LRRC4C: variants seen among roughly 807,000 people sequenced by gnomAD.
LRRC4C encodes the protein leucine rich repeat containing 4C.
LRRC4C carries 5 observed loss-of-function variants against 33.6 expected under a neutral mutation model. The observed-to-expected ratio is 0.15, with a 90% CI of 0.08 to 0.31. The LOEUF (loss-of-function observed/expected upper bound fraction) is 0.31. Among genes scored for constraint, LRRC4C ranks in the 10% least tolerant of loss-of-function variants. The pLI is 1.00. For synonymous variants in LRRC4C, 329 were observed against 302.0 expected, an observed-to-expected ratio of 1.09 and a Z score of -0.93; for missense variants, 560 against 796.7, an observed-to-expected ratio of 0.70 and a Z score of 3.58.
chr11:41,151,910 A>G (rs1705026493), intron 1 of LRRC4C, among the ~76,000 whole-genome samples: 1 of 152,242 alleles, frequency 6.6e-6, no homozygotes, highest in Non-Finnish European at 1.5e-5. Context: ...AAAGTTCAGC[A>G]CAGAATACAT....
chr11:40,968,633 T>A (rs1474239786), intron 1 of LRRC4C, among the ~76,000 whole-genome samples: 1 of 152,096 alleles, frequency 6.6e-6, no homozygotes, highest in African/African-American at 2.4e-5. Context: ...TTAGAACCCT[T>A]ACAAATTATG....
At chr11:40,362,097 T>C (rs1254529711) in intron 3 of LRRC4C, among the ~76,000 whole-genome samples, 1 of 152,176 alleles carries the variant, frequency 6.6e-6, no homozygotes, top group African/African-American at 2.4e-5. Flanking sequence ...CCTTACACTC[T>C]ATACACAAAT....
At chr11:40,291,828 C>T (rs1944212915) in intron 4 of LRRC4C, among the ~76,000 whole-genome samples, 1 of 152,092 alleles carries the variant, frequency 6.6e-6, no homozygotes, top group Admixed American at 6.5e-5. Context: ...AATAGCGAAA[C>T]ATTTGTGCAT....
chr11:40,435,397 C>T (rs1394989969), intron 3 of LRRC4C, among the ~76,000 whole-genome samples: 2 of 152,122 alleles, frequency 1.3e-5, no homozygotes, highest in Non-Finnish European at 2.9e-5. Context: ...TTTTGAATTG[C>T]TATTGATGGT....
At chr11:41,215,680 A>T (rs983523861) in intron 1 of LRRC4C, among the ~76,000 whole-genome samples, 1 of 152,102 alleles carries the variant, frequency 6.6e-6, no homozygotes, top group Non-Finnish European at 1.5e-5. Flanking sequence ...TAATATTTTT[A>T]CATTTGATCC....
At position 40,869,760 on chromosome 11, in the gene LRRC4C, G is replaced by A. The variant is rs116551216; in HGVS notation, c.-407+63875C>T. Among the ~76,000 whole-genome samples the A allele has an allele frequency of 1.6e-3, 236 of 152,232 alleles. 1 individual carries two copies. Among genetic ancestry groups the A allele is most frequent in the African/African-American group, 5.4e-3 (224 of 41,554 alleles). ...CGCAAGAACCTGGAAGTTTGCCGAC[G>A]TATAAAACCCCAAGTCAAAGGTCAA... On this transcript the variant is annotated intron_variant, in intron 2 of 6. Coordinates refer to ENST00000528697, the MANE Select transcript of LRRC4C (RefSeq NM_001258419.2).
chr11:41,138,239 A>G (rs1319909093), intron 1 of LRRC4C, among the ~76,000 whole-genome samples: 1 of 152,222 alleles, frequency 6.6e-6, no homozygotes, highest in Admixed American at 6.5e-5. Context: ...ATACTTTCAG[A>G]TGACCAGTCA....
chr11:40,427,324 TG>T (rs1950754003), intron 3 of LRRC4C, among the ~76,000 whole-genome samples: 1 of 151,616 alleles, frequency 6.6e-6, no homozygotes, highest in Middle Eastern at 3.4e-3. Context: ...GCCAATGTCA[TG>T]AAACCACATC....
At chr11:40,549,495 T>G (rs1957054288) in intron 3 of LRRC4C, among the ~76,000 whole-genome samples, 1 of 152,164 alleles carries the variant, frequency 6.6e-6, no homozygotes, top group Non-Finnish European at 1.5e-5. Context: ...AATCAGATGC[T>G]TACACAAAGT....
At chr11:41,250,040 G>A (rs1243232812) in intron 1 of LRRC4C, among the ~76,000 whole-genome samples, 1 of 151,912 alleles carries the variant, frequency 6.6e-6, no homozygotes, top group Non-Finnish European at 1.5e-5. Flanking sequence ...TGTGATGGCA[G>A]CGCCTGTAAT....
intron 3 of LRRC4C, among the ~76,000 whole-genome samples, chr11:40,538,404 T>TA (rs1444640454): frequency 6.6e-6 from 1 of 152,176 alleles, no homozygotes; most frequent in Non-Finnish European, 1.5e-5. Context: ...GTCATTGCGA[T>TA]AGTTTGCTGA....
intron 3 of LRRC4C, among the ~76,000 whole-genome samples, chr11:40,598,278 G>T (rs1027388): frequency 0.43 from 64,825 of 151,916 alleles, 14,749 homozygotes; most frequent in Middle Eastern, 0.57. Context: ...TCACATTAGG[G>T]TTTAAACCAA....
chr11:41,420,644 G>C (rs1410216410), intron 1 of LRRC4C, among the ~76,000 whole-genome samples: 1 of 151,998 alleles, frequency 6.6e-6, no homozygotes, highest in Non-Finnish European at 1.5e-5. Flanking sequence ...TATTCAGTGA[G>C]AGAAGATACA....
chr11:40,909,564 CT>C lies in LRRC4C; in HGVS notation c.-407+24070del, dbSNP rs76017110. On this transcript the variant is annotated intron_variant, in intron 2 of 6. Transcript: ENST00000528697. The stretch of plus-strand genomic sequence containing the variant: ...ACAGATAATTTCATACAGAGAACAA[CT>C]TTTTTTTCCCATAATGAAGCATATA... 3.3e-5 allele frequency among the ~76,000 whole-genome samples: 5 copies of C among 151,796 alleles called. No homozygotes were observed. In the South Asian group the frequency reaches 6.2e-4, roughly 19 times the overall value.
chr11:40,980,374 T>C (rs1448778746), intron 1 of LRRC4C, among the ~76,000 whole-genome samples: 2 of 152,192 alleles, frequency 1.3e-5, no homozygotes, highest in Non-Finnish European at 2.9e-5. Context: ...GAAGGCAACA[T>C]GTAGTATAGA....
intron 5 of LRRC4C, among the ~76,000 whole-genome samples, chr11:40,234,504 C>A (rs1332106040): frequency 6.6e-6 from 1 of 152,146 alleles, no homozygotes; most frequent in African/African-American, 2.4e-5. Flanking sequence ...AGACCAGGCT[C>A]ATGTCTGCAA....
rs1265117461 is a variant in LRRC4C at position 41,038,237 on chromosome 11, T to A, written c.-495-104514A>T. On this transcript the variant is annotated intron_variant, in intron 1 of 6. Coordinates refer to ENST00000528697, the MANE Select transcript of LRRC4C (RefSeq NM_001258419.2). ...GAACAATTTGTCATTGCTGCTCCAA[T>A]ACCTTCAAATTAGAAGTAGCAGCAA... is the stretch of plus-strand genomic sequence containing the variant. Among the ~76,000 whole-genome samples the A allele has an allele frequency of 3.9e-5, 6 of 152,164 alleles. No individual in the cohort carries two copies. In the East Asian group the frequency reaches 1.2e-3, roughly 29 times the overall value.
chr11:40,154,181 CT>C (rs1268558031), intron 5 of LRRC4C, among the ~76,000 whole-genome samples: 1 of 150,994 alleles, frequency 6.6e-6, no homozygotes, highest in Non-Finnish European at 1.5e-5. Context: ...TCCAGCAAAA[CT>C]AAGCATCACA....
chr11:41,046,993 C>A (rs1451769765), intron 1 of LRRC4C, among the ~76,000 whole-genome samples: 2 of 151,784 alleles, frequency 1.3e-5, no homozygotes, highest in Admixed American at 1.3e-4. Flanking sequence ...GCAGAAGAAA[C>A]CAAAGAAAAA....
Sources: allele counts gnomAD v4.1 joint callset (sites outside exome capture counted in the v4.1 genomes callset), GRCh38; gene constraint gnomAD v4.1.1; transcripts MANE v1.5; gene names NCBI Gene and HGNC (gene_info 2026-07-23, HGNC 2026-07-21).